The following SLC26A9 variants were observed in gnomAD, a reference collection of about 807,000 sequenced individuals.
SLC26A9 encodes solute carrier family 26 member 9.
A neutral mutation model predicts 87.1 loss-of-function variants in SLC26A9; 46 were observed. The observed-to-expected ratio is 0.53, with a 90% CI of 0.42 to 0.67. The LOEUF is 0.67. Ranked by LOEUF, SLC26A9 falls within the 30% of genes least tolerant of loss-of-function variation. SLC26A9 has a pLI of 0.00. For synonymous variants in SLC26A9, 437 were observed against 409.1 expected, an observed-to-expected ratio of 1.07 and a Z score of -0.82; for missense variants, 927 against 1,018.3, an observed-to-expected ratio of 0.91 and a Z score of 1.22.
intron 12 of SLC26A9, chr1:205,924,779 G>A (rs1250347534): frequency 1.2e-5 from 4 of 327,564 alleles, no homozygotes; most frequent in Non-Finnish European, 2.3e-5. Flanking sequence ...GGTCAGATCT[G>A]TTTGGGTTCA....
chr1:205,916,216 A>C (rs2102568545), intron 20 of SLC26A9, among the ~76,000 whole-genome samples: 1 of 152,140 alleles, frequency 6.6e-6, no homozygotes, highest in African/African-American at 2.4e-5. Flanking sequence ...CATGCCTCAG[A>C]CTTCCGAGTA....
At chr1:205,917,976 C>T (rs891042658) in intron 19 of SLC26A9, among the ~76,000 whole-genome samples, 8 of 152,202 alleles carry the variant, frequency 5.3e-5, no homozygotes, top group Non-Finnish European at 1.2e-4. Context: ...CAGGGTTTCC[C>T]TCTAGGCATG....
chr1:205,928,724 C>A, intron 8 of SLC26A9, 103 bp downstream of exon 8: 1 of 1,085,256 alleles, frequency 9.2e-7, no homozygotes. Context: ...CATACAGTTT[C>A]GACTGCACTT....
At chr1:205,927,641 G>T in intron 9 of SLC26A9, 36 bp from the exon 10 acceptor site, 2 of 1,589,320 alleles carry the variant, frequency 1.3e-6, no homozygotes, top group Non-Finnish European at 1.7e-6. Context: ...GCCAGTGTGG[G>T]GCTGGGGGGC....
At chr1:205,926,726 G>T in intron 11 of SLC26A9, 96 bp from the exon 12 acceptor site, 1 of 979,614 alleles carries the variant, frequency 1.0e-6, no homozygotes, top group Non-Finnish European at 1.6e-6. Context: ...GGACAGAGAC[G>T]GAGTTCTGGA....
At chr1:205,928,111 C>T in intron 8 of SLC26A9, 62 bp from the exon 9 acceptor site, 2 of 1,565,666 alleles carry the variant, frequency 1.3e-6, no homozygotes, top group South Asian at 1.2e-5. Context: ...CAGCCAAGTC[C>T]TTCACCAGCC....
At chr1:205,932,646 A>G (rs1457209752) in intron 4 of SLC26A9, 56 bp downstream of exon 4, 2 of 1,424,628 alleles carry the variant, frequency 1.4e-6, no homozygotes, top group Non-Finnish European at 1.9e-6. Flanking sequence ...CCTTTGCCAC[A>G]CCTCCCATCC....
chr1:205,931,465 G>GCTTTTTTTTTTT (rs1553270525), intron 5 of SLC26A9, among the ~76,000 whole-genome samples: 1 of 96,012 alleles, frequency 1.0e-5, no homozygotes, highest in East Asian at 3.7e-4. Context: ...CCCTAACTTG[G>GCTTTTTTTTTTT]TTTTTTTTTT....
Position 205,933,168 on chromosome 1 carries a change from A to G in SLC26A9, c.126-84T>C, listed in dbSNP as rs1316425428. On this transcript the variant is annotated intron_variant, in intron 2 of 20. Coordinates refer to ENST00000367135, the MANE Select transcript of SLC26A9 (RefSeq NM_052934.4). The stretch of plus-strand genomic sequence containing the variant: ...GGAGAGGGATTATCATATCCTGCTC[A>G]TTTCATTCATTGGTTCATTCAAAAT... 10 of 1,541,732 alleles carry G rather than the reference A, an allele frequency of 6.5e-6. No homozygotes were observed. In the Admixed American group the frequency reaches 1.4e-4, roughly 22 times the overall value.
chr1:205,934,135 C>T (rs1052122821), intron 2 of SLC26A9, among the ~76,000 whole-genome samples: 4 of 152,196 alleles, frequency 2.6e-5, no homozygotes, highest in Non-Finnish European at 4.4e-5. Flanking sequence ...GGATGTCACC[C>T]AAGACTGAAA....
At chr1:205,930,636 C>T (rs1459738554) in intron 5 of SLC26A9, among the ~76,000 whole-genome samples, 1 of 152,180 alleles carries the variant, frequency 6.6e-6, no homozygotes, top group African/African-American at 2.4e-5. Flanking sequence ...AGAACAGACC[C>T]CAGATCTCAT....
At chr1:205,934,537 G>A (rs1659432062) in intron 2 of SLC26A9, among the ~76,000 whole-genome samples, 1 of 152,238 alleles carries the variant, frequency 6.6e-6, no homozygotes, top group Admixed American at 6.5e-5. Flanking sequence ...TGGAAACAGA[G>A]GCTGAGAGGG....
intron 2 of SLC26A9, chr1:205,935,162 G>C (rs1436449008): frequency 6.6e-6 from 1 of 152,336 alleles, no homozygotes; most frequent in East Asian, 1.9e-4. Flanking sequence ...AGATGAGAGT[G>C]GAAAGACCCT....
intron 1 of SLC26A9, among the ~76,000 whole-genome samples, chr1:205,938,243 T>TTTCCTTCCTTCCTTCCTCCCTCGC (rs1230591222): frequency 1.9e-4 from 29 of 151,720 alleles, no homozygotes; most frequent in Admixed American, 2.6e-4. Context: ...CCTATTGCTA[T>TTTCCTTCCTTCCTTCCTCCCTCGC]TTCCTTCCTT....
intron 20 of SLC26A9, among the ~76,000 whole-genome samples, chr1:205,917,015 C>A (rs1025499049): frequency 2.6e-5 from 4 of 151,436 alleles, no homozygotes; most frequent in Admixed American, 6.6e-5. Flanking sequence ...ACCTCTGGAA[C>A]CCGGGAGGCA....
At chr1:205,935,905 C>G in intron 1 of SLC26A9, 67 bp from the exon 2 acceptor site, 1 of 1,510,248 alleles carries the variant, frequency 6.6e-7, no homozygotes, top group Non-Finnish European at 8.9e-7. Flanking sequence ...CAGGCCTTCT[C>G]TCTCTGGTCC....
intron 8 of SLC26A9, among the ~76,000 whole-genome samples, 190 bp downstream of exon 8, chr1:205,928,637 T>G (rs942499368): frequency 6.6e-6 from 1 of 152,190 alleles, no homozygotes; most frequent in Admixed American, 6.5e-5. Flanking sequence ...TCATTTCTCA[T>G]AAAATAGCCT....
intron 4 of SLC26A9, among the ~76,000 whole-genome samples, chr1:205,932,252 G>A (rs373203801): frequency 2.6e-5 from 4 of 152,216 alleles, no homozygotes; most frequent in Admixed American, 6.5e-5. Flanking sequence ...TACAGGACAC[G>A]TGAGAAAATG....
At chr1:205,939,221 G>C (rs568566350) in intron 1 of SLC26A9, among the ~76,000 whole-genome samples, 5 of 152,334 alleles carry the variant, frequency 3.3e-5, no homozygotes, top group East Asian at 3.9e-4. Flanking sequence ...TCATTTTGCA[G>C]ATAAAGAAAC....
Sources: allele counts gnomAD v4.1 joint callset (sites outside exome capture counted in the v4.1 genomes callset), GRCh38; gene constraint gnomAD v4.1.1; transcripts MANE v1.5; gene names NCBI Gene and HGNC (gene_info 2026-07-23, HGNC 2026-07-21).